Variants in PHF21B observed in about 807,000 individuals in gnomAD.
The protein encoded by PHF21B is PHD finger protein 4.
PHF21B carries 22 observed loss-of-function variants against 62.2 expected under a neutral mutation model. That is an observed-to-expected ratio of 0.35 (90% confidence interval 0.25 to 0.51). The LOEUF (loss-of-function observed/expected upper bound fraction) is 0.51, where lower values mean the gene tolerates loss of function less well. Ranked by LOEUF, PHF21B falls within the 20% of genes least tolerant of loss-of-function variation. The pLI, the probability that PHF21B is intolerant of heterozygous loss-of-function variation, is 0.97. For missense variants in PHF21B, 701 were observed against 707.9 expected (o/e 0.99, Z 0.11); for synonymous variants, 341 against 314.7 (o/e 1.08, Z -0.88).
intron 2 of PHF21B, among the ~76,000 whole-genome samples, chr22:44,987,946 C>A (rs750675083): frequency 2.6e-5 from 4 of 152,168 alleles, no homozygotes; most frequent in African/African-American, 7.2e-5. Flanking sequence ...TGAAGATCCA[C>A]GTTGTCCAGA....
intron 2 of PHF21B, among the ~76,000 whole-genome samples, chr22:44,954,582 T>G (rs2072257508): frequency 6.6e-6 from 1 of 152,252 alleles, no homozygotes; most frequent in Admixed American, 6.5e-5. Flanking sequence ...TTTTACCATC[T>G]TCCATCCCAT....
intron 2 of PHF21B, among the ~76,000 whole-genome samples, chr22:44,967,877 G>A (rs1320789742): frequency 1.3e-5 from 2 of 152,192 alleles, no homozygotes; most frequent in African/African-American, 4.8e-5. Flanking sequence ...TCTGAGGACG[G>A]GTCAGGAATT....
rs1003321752 is a variant in PHF21B, at chr22:44,881,559, T to C, written c.*1527A>G. The C allele has an allele frequency of 6.5e-6, 1 of 152,680 alleles. No individual in the cohort carries two copies. The highest frequency in any genetic ancestry group is 2.4e-5 in the African/African-American group (1 of 41,460). 9.5% of individuals were successfully genotyped at this position (152,680 alleles called of 1,614,324 possible). On this transcript the variant is annotated 3_prime_UTR_variant, in exon 13 of 13. Transcript: ENST00000313237. ...TCACCCAGTGGTAAGTGTATTAAAA[T>C]AGATCTGTATCATACAGCACAGTTT...
At chr22:45,000,041 C>T (rs1173711315) in intron 2 of PHF21B, among the ~76,000 whole-genome samples, 2 of 152,152 alleles carry the variant, frequency 1.3e-5, no homozygotes, top group African/African-American at 4.8e-5. Flanking sequence ...TATTAATCCC[C>T]TTTTATAACT....
intron 12 of PHF21B, among the ~76,000 whole-genome samples, chr22:44,884,570 C>T (rs986216647): frequency 1.3e-3 from 9 of 7,012 alleles, no homozygotes; most frequent in African/African-American, 2.2e-3. Flanking sequence ...TCGCCATTAT[C>T]ACCATCACTG....
At chr22:44,972,461 G>A (rs760085433) in intron 2 of PHF21B, among the ~76,000 whole-genome samples, 1 of 152,148 alleles carries the variant, frequency 6.6e-6, no homozygotes, top group Admixed American at 6.5e-5. Flanking sequence ...CGAGGAAGCC[G>A]AAAACCGAGT....
chr22:44,938,880 G>T (rs907180251), intron 2 of PHF21B, among the ~76,000 whole-genome samples: 6 of 152,306 alleles, frequency 3.9e-5, no homozygotes, highest in Admixed American at 2.6e-4. Context: ...TGACCAGGAA[G>T]GCACTAAGGA....
At chr22:44,968,140 G>A (rs1429255295) in intron 2 of PHF21B, among the ~76,000 whole-genome samples, 1 of 152,122 alleles carries the variant, frequency 6.6e-6, no homozygotes, top group African/African-American at 2.4e-5. Flanking sequence ...GAAAGCCACT[G>A]CGCCCAGCTC....
intron 5 of PHF21B, among the ~76,000 whole-genome samples, chr22:44,910,860 G>C (rs2071332493): frequency 6.6e-6 from 1 of 152,232 alleles, no homozygotes; most frequent in Admixed American, 6.5e-5. Flanking sequence ...GCAGAGGTTA[G>C]AACAGTTTGG....
intron 2 of PHF21B, among the ~76,000 whole-genome samples, chr22:44,992,485 G>T (rs1163525627): frequency 6.6e-6 from 1 of 152,266 alleles, no homozygotes; most frequent in Non-Finnish European, 1.5e-5. Context: ...AAGCACAGCA[G>T]GTGACTGTCA....
At chr22:45,006,314 G>A (rs1366173604) in intron 2 of PHF21B, among the ~76,000 whole-genome samples, 3 of 152,136 alleles carry the variant, frequency 2.0e-5, no homozygotes, top group African/African-American at 4.8e-5. Context: ...CATTTAAAAG[G>A]GAAACATTTC....
intron 2 of PHF21B, among the ~76,000 whole-genome samples, chr22:44,926,788 G>A (rs962252637): frequency 1.3e-5 from 2 of 152,164 alleles, no homozygotes; most frequent in Admixed American, 6.5e-5. Flanking sequence ...CCGTGTCCGG[G>A]TGTTGCTGCG....
At chr22:44,996,228 C>A (rs1010258603) in intron 2 of PHF21B, among the ~76,000 whole-genome samples, 1 of 152,100 alleles carries the variant, frequency 6.6e-6, no homozygotes, top group African/African-American at 2.4e-5. Context: ...CCATCCCTGC[C>A]GAGGCTGGGA....
chr22:44,886,022 G>T, intron 10 of PHF21B, 84 bp from the exon 11 acceptor site: 1 of 1,331,340 alleles, frequency 7.5e-7, no homozygotes, highest in South Asian at 1.3e-5. Context: ...GTAACCCTGA[G>T]GGGGCACGCC....
At chr22:44,947,584 C>T (rs934614009) in intron 2 of PHF21B, among the ~76,000 whole-genome samples, 8 of 151,182 alleles carry the variant, frequency 5.3e-5, no homozygotes, top group Non-Finnish European at 7.3e-5. Flanking sequence ...CAGCCCCGCT[C>T]GGCAGCACAG....
intron 2 of PHF21B, among the ~76,000 whole-genome samples, chr22:44,975,387 G>A (rs2072717641): frequency 6.6e-6 from 1 of 152,010 alleles, no homozygotes; most frequent in African/African-American, 2.4e-5. Context: ...AGCCATAAGA[G>A]GCCCCTGTCC....
chr22:45,007,454 CG>C (rs923646042), intron 2 of PHF21B, among the ~76,000 whole-genome samples: 1 of 144,436 alleles, frequency 6.9e-6, no homozygotes, highest in Non-Finnish European at 1.5e-5. Context: ...CGGGGGCGCG[CG>C]GGGGCGGGCC....
At chr22:44,885,080 C>T (rs928816221) in intron 12 of PHF21B, among the ~76,000 whole-genome samples, 10 of 152,256 alleles carry the variant, frequency 6.6e-5, no homozygotes, top group Non-Finnish European at 1.2e-4. Context: ...TGAGTCACAG[C>T]GCTGCCTTCT....
chr22:44,920,515 T>C, intron 2 of PHF21B, 25 bp from the exon 3 acceptor site: 2 of 1,579,160 alleles, frequency 1.3e-6, no homozygotes, highest in Non-Finnish European at 8.6e-7. Context: ...AGGGCAACGC[T>C]GAGACAGGAG....
Sources: gnomAD v4.1 joint callset for allele counts (sites outside exome capture counted in the v4.1 genomes callset) on GRCh38, gnomAD v4.1.1 for gene constraint, MANE v1.5 for transcripts, NCBI Gene and HGNC (gene_info 2026-07-23, HGNC 2026-07-21) for gene names.